ROR1: variants seen among roughly 807,000 people sequenced by gnomAD.
The protein encoded by ROR1 is inactive tyrosine-protein kinase transmembrane receptor ROR1.
ROR1 carries 19 observed loss-of-function variants against 78.8 expected under a neutral mutation model. The ratio of observed to expected loss-of-function variants is 0.24; its 90% CI spans 0.17 to 0.35. The LOEUF (loss-of-function observed/expected upper bound fraction) is 0.35, where lower values mean the gene tolerates loss of function less well. ROR1 is among the 10% of genes least tolerant of loss of function. ROR1 has a pLI of 1.00. For synonymous variants in ROR1, 386 were observed against 433.6 expected, an observed-to-expected ratio of 0.89 and a Z score of 1.36; for missense variants, 917 against 1,177.8, an observed-to-expected ratio of 0.78 and a Z score of 3.24.
chr1:63,783,419 A>C (rs1644665293), intron 1 of ROR1, among the ~76,000 whole-genome samples: 1 of 152,152 alleles, frequency 6.6e-6, no homozygotes, highest in South Asian at 2.1e-4. Flanking sequence ...TGATGAAAAG[A>C]ATAATAGTAT....
chr1:63,950,137 G>A (rs72912834), intron 1 of ROR1, among the ~76,000 whole-genome samples: 4,435 of 152,208 alleles, frequency 0.029, 231 homozygotes, highest in African/African-American at 0.1. Context: ...CCCAATCCAG[G>A]CCCCATGAGA....
At chr1:63,910,469 A>G (rs1645561840) in intron 1 of ROR1, among the ~76,000 whole-genome samples, 1 of 152,144 alleles carries the variant, frequency 6.6e-6, no homozygotes, top group South Asian at 2.1e-4. Context: ...AGGGCCTTAT[A>G]GGGATGAAAG....
intron 4 of ROR1, among the ~76,000 whole-genome samples, chr1:64,074,197 A>G (rs1028572722): frequency 6.6e-5 from 10 of 152,140 alleles, no homozygotes; most frequent in African/African-American, 2.4e-4. Context: ...CACATGACCA[A>G]GCCAGCCCAG....
intron 4 of ROR1, among the ~76,000 whole-genome samples, chr1:64,112,875 G>A (rs1648164379): frequency 6.6e-6 from 1 of 152,084 alleles, no homozygotes. Context: ...TGCATTTCCA[G>A]CCTCCCATTG....
chr1:64,118,006 G>A (rs1017597753), intron 4 of ROR1, among the ~76,000 whole-genome samples: 9 of 152,216 alleles, frequency 5.9e-5, no homozygotes, highest in Non-Finnish European at 1.0e-4. Context: ...TTTGAGACCA[G>A]CCTGGGCAAC....
chr1:63,832,789 A>T (rs1382491687), intron 1 of ROR1, among the ~76,000 whole-genome samples: 1 of 152,236 alleles, frequency 6.6e-6, no homozygotes, highest in Non-Finnish European at 1.5e-5. Context: ...GAAAAGTACT[A>T]GGTGGACTCA....
intron 1 of ROR1, among the ~76,000 whole-genome samples, chr1:63,901,257 T>TC (rs1645483638): frequency 6.6e-6 from 1 of 152,194 alleles, no homozygotes; most frequent in Non-Finnish European, 1.5e-5. Context: ...TCCTGAAGGT[T>TC]CTACGGCCAG....
chr1:64,077,455 G>A (rs975732293), intron 4 of ROR1, among the ~76,000 whole-genome samples: 4 of 148,400 alleles, frequency 2.7e-5, no homozygotes, highest in Non-Finnish European at 6.0e-5. Context: ...AGGCAGAGGT[G>A]GAGCTGAGCT....
intron 1 of ROR1, among the ~76,000 whole-genome samples, chr1:63,885,428 G>T (rs1047399933): frequency 1.3e-5 from 2 of 151,996 alleles, no homozygotes; most frequent in African/African-American, 4.8e-5. Flanking sequence ...GGTGAATATT[G>T]TTCTGTTGAA....
chr1:64,135,288 T>G (rs549795189), intron 4 of ROR1, among the ~76,000 whole-genome samples: 2 of 152,072 alleles, frequency 1.3e-5, no homozygotes, highest in South Asian at 4.2e-4. Flanking sequence ...ACTGGAAAGG[T>G]GGTAAGAAGT....
intron 1 of ROR1, among the ~76,000 whole-genome samples, chr1:63,968,744 T>TC (rs1646095861): frequency 6.6e-6 from 1 of 152,154 alleles, no homozygotes; most frequent in Admixed American, 6.5e-5. Context: ...CTGGCTGGGC[T>TC]CCATGTCCAT....
intron 1 of ROR1, among the ~76,000 whole-genome samples, chr1:63,791,357 T>C (rs77274033): frequency 1.3e-5 from 2 of 152,050 alleles, no homozygotes; most frequent in Admixed American, 6.5e-5. Context: ...CACCTTTTTT[T>C]CACTGGAAAA....
intron 4 of ROR1, among the ~76,000 whole-genome samples, chr1:64,067,710 C>CT (rs986756579): frequency 0.025 from 2,627 of 105,612 alleles, 194 homozygotes; most frequent in African/African-American, 0.077. Flanking sequence ...TAAATAAATT[C>CT]TTTTTTTTTT....
chr1:64,031,774 C>G (rs1646661839), intron 2 of ROR1, among the ~76,000 whole-genome samples: 1 of 152,146 alleles, frequency 6.6e-6, no homozygotes, highest in Non-Finnish European at 1.5e-5. Flanking sequence ...CTTCTAAATT[C>G]AGATGGTTTA....
intron 2 of ROR1, among the ~76,000 whole-genome samples, chr1:64,029,640 C>T (rs1214886477): frequency 6.6e-6 from 1 of 152,114 alleles, no homozygotes; most frequent in Non-Finnish European, 1.5e-5. Flanking sequence ...CCTTACATGG[C>T]AGAGAGAGAC....
intron 8 of ROR1, among the ~76,000 whole-genome samples, chr1:64,162,115 C>T (rs745481762): frequency 6.6e-6 from 1 of 152,052 alleles, no homozygotes; most frequent in African/African-American, 2.4e-5. Flanking sequence ...TATTTGGAGG[C>T]GAGGATGAAA....
At chr1:64,107,972 A>G (rs955402202) in intron 4 of ROR1, among the ~76,000 whole-genome samples, 14 of 152,028 alleles carry the variant, frequency 9.2e-5, no homozygotes, top group Non-Finnish European at 1.5e-4. Context: ...TGAATAAATG[A>G]CATGTTTAAT....
rs138507924 is a variant in ROR1 at position 63,963,756 on chromosome 1, G to A, written c.92-45549G>A. Among the ~76,000 whole-genome samples, 429 of 152,048 alleles carry A rather than the reference G, an allele frequency of 2.8e-3. 2 individuals are homozygous for A. The highest frequency in any genetic ancestry group is 9.6e-3 in the African/African-American group (399 of 41,506). On this transcript the variant is annotated intron_variant, in intron 1 of 8. Transcript: ENST00000371079. ...GAAGATCCAAGTAGAAGTGTTTTCT[G>A]GAACCCCAAGAAAGACTCCTAAAAG...
chr1:63,791,842 G>A (rs951826191), intron 1 of ROR1, among the ~76,000 whole-genome samples: 2 of 152,238 alleles, frequency 1.3e-5, no homozygotes, highest in South Asian at 4.1e-4. Context: ...CTGAGATCGA[G>A]GATTTAGATG....
Sources: allele counts gnomAD v4.1 joint callset (sites outside exome capture counted in the v4.1 genomes callset), GRCh38; gene constraint gnomAD v4.1.1; transcripts MANE v1.5; gene names NCBI Gene and HGNC (gene_info 2026-07-23, HGNC 2026-07-21).